Variants in PRMT3 observed in about 807,000 individuals in gnomAD.
The protein encoded by PRMT3 is protein arginine N-methyltransferase 3.
Under a neutral mutation model 71.9 loss-of-function variants are expected in PRMT3, and 62 were observed. That is an observed-to-expected ratio of 0.86 (90% confidence interval 0.70 to 1.07). The LOEUF is 1.07. Ranked by LOEUF, PRMT3 falls within the 50% of genes least tolerant of loss-of-function variation. The probability of loss-of-function intolerance (pLI) is 0.00; values close to 1 mark genes in which losing one functional copy is unlikely to be tolerated. For synonymous variants in PRMT3, 213 were observed against 220.4 expected, an observed-to-expected ratio of 0.97 and a Z score of 0.30; for missense variants, 663 against 643.0, an observed-to-expected ratio of 1.03 and a Z score of -0.34.
At chr11:20,434,085 G>A (rs147325773) in intron 10 of PRMT3, among the ~76,000 whole-genome samples, 3 of 152,156 alleles carry the variant, frequency 2.0e-5, no homozygotes. Context: ...GGTGTGAGAT[G>A]GTATCTCATT....
intron 10 of PRMT3, among the ~76,000 whole-genome samples, chr11:20,428,246 C>T (rs1849588294): frequency 6.6e-6 from 1 of 152,026 alleles, no homozygotes; most frequent in South Asian, 2.1e-4. Context: ...TGAAAAGATG[C>T]TTCTGAGAAA....
intron 13 of PRMT3, among the ~76,000 whole-genome samples, chr11:20,466,297 A>T (rs934935529): frequency 2.0e-5 from 3 of 152,198 alleles, no homozygotes; most frequent in African/African-American, 7.2e-5. Context: ...TTCTAGAACC[A>T]CACCTTTGAA....
chr11:20,432,233 A>G (rs1849669671), intron 10 of PRMT3, among the ~76,000 whole-genome samples: 1 of 152,152 alleles, frequency 6.6e-6, no homozygotes, highest in Admixed American at 6.5e-5. Context: ...GTAATCCCTC[A>G]GAGAACACAA....
intron 13 of PRMT3, among the ~76,000 whole-genome samples, chr11:20,465,456 T>G (rs986651744): frequency 6.6e-6 from 1 of 152,028 alleles, no homozygotes; most frequent in Non-Finnish European, 1.5e-5. Context: ...AAATAGATTA[T>G]AAGTCATGTT....
intron 15 of PRMT3, among the ~76,000 whole-genome samples, chr11:20,498,786 G>A (rs1232811167): frequency 2.0e-5 from 3 of 152,126 alleles, no homozygotes; most frequent in African/African-American, 7.2e-5. Context: ...TTAATTGAAT[G>A]ACATTTTGAA....
At chr11:20,468,444 C>G (rs1047252310) in intron 13 of PRMT3, among the ~76,000 whole-genome samples, 1 of 152,174 alleles carries the variant, frequency 6.6e-6, no homozygotes, top group African/African-American at 2.4e-5. Flanking sequence ...TCTCAGCCCA[C>G]TGCAACCTCC....
chr11:20,414,254 C>T (rs1277835953), intron 9 of PRMT3, among the ~76,000 whole-genome samples: 1 of 152,012 alleles, frequency 6.6e-6, no homozygotes, highest in Non-Finnish European at 1.5e-5. Flanking sequence ...TCTAGCATTT[C>T]TAAAGAAATG....
chr11:20,454,685 T>C (rs1850229032), intron 11 of PRMT3, among the ~76,000 whole-genome samples: 1 of 152,154 alleles, frequency 6.6e-6, no homozygotes, highest in Non-Finnish European at 1.5e-5. Context: ...CAAAGCAAAG[T>C]TTTCCTTTCT....
At chr11:20,391,471 G>T (rs1047582311) in intron 3 of PRMT3, among the ~76,000 whole-genome samples, 1 of 152,138 alleles carries the variant, frequency 6.6e-6, no homozygotes, top group African/African-American at 2.4e-5. Context: ...TGGAACTCCC[G>T]ACCTCAGGTG....
intron 15 of PRMT3, among the ~76,000 whole-genome samples, chr11:20,495,971 C>G (rs1487102185): frequency 1.3e-5 from 2 of 152,194 alleles, no homozygotes; most frequent in African/African-American, 4.8e-5. Flanking sequence ...ATGGAACTTT[C>G]ATTCCCTTTT....
intron 8 of PRMT3, among the ~76,000 whole-genome samples, chr11:20,404,928 A>G (rs1849038607): frequency 6.6e-6 from 1 of 152,210 alleles, no homozygotes; most frequent in South Asian, 2.1e-4. Flanking sequence ...GCTTGTTAAG[A>G]AAGTAAGTTA....
At chr11:20,453,442 T>C (rs1850197654) in intron 11 of PRMT3, among the ~76,000 whole-genome samples, 2 of 149,260 alleles carry the variant, frequency 1.3e-5, no homozygotes, top group Admixed American at 1.3e-4. Flanking sequence ...ATCCTGCCAC[T>C]GCACTCCAGC....
chr11:20,468,511 G>A (rs1449046118), intron 13 of PRMT3, among the ~76,000 whole-genome samples: 2 of 152,130 alleles, frequency 1.3e-5, no homozygotes, highest in Admixed American at 6.6e-5. Flanking sequence ...TGGGACTGCA[G>A]ATGTGCGCCA....
chr11:20,484,287 A>G (rs1312584940), intron 13 of PRMT3, among the ~76,000 whole-genome samples: 2 of 152,228 alleles, frequency 1.3e-5, no homozygotes, highest in Non-Finnish European at 2.9e-5. Context: ...GAGTGCAGGA[A>G]CATTTTATGG....
chr11:20,435,261 G>A (rs1421369596), intron 10 of PRMT3, among the ~76,000 whole-genome samples: 2 of 152,024 alleles, frequency 1.3e-5, no homozygotes, highest in Non-Finnish European at 2.9e-5. Flanking sequence ...GAGTGCAGTG[G>A]CACCATCTCA....
chr11:20,404,681 T>A (rs1303990952), intron 8 of PRMT3, among the ~76,000 whole-genome samples: 1 of 152,190 alleles, frequency 6.6e-6, no homozygotes, highest in African/African-American at 2.4e-5. Context: ...TTTTATTTTA[T>A]TTTTTCCTTA....
chr11:20,428,155 A>G (rs1849586607), intron 10 of PRMT3, among the ~76,000 whole-genome samples: 1 of 152,166 alleles, frequency 6.6e-6, no homozygotes, highest in Non-Finnish European at 1.5e-5. Flanking sequence ...CTCACACCAA[A>G]GAATTTGTAT....
rs148009993 is a variant in PRMT3, at chr11:20,412,615, T to C, written c.893+4583T>C. 1.4e-3 allele frequency among the ~76,000 whole-genome samples: 208 copies of C among 152,308 alleles called. 1 individual carries two copies. The highest frequency in any genetic ancestry group is 2.5e-3 in the Non-Finnish European group (173 of 68,030). Reference sequence around the variant, plus strand: ...TTGGAGTATTTTAAAGTGAAACTTATACATTATATCAGTAAATGTGTCCTA... The same window carrying C: ...TTGGAGTATTTTAAAGTGAAACTTACACATTATATCAGTAAATGTGTCCTA... On this transcript the variant is annotated intron_variant, in intron 9 of 15. Coordinates refer to ENST00000331079, the MANE Select transcript of PRMT3 (RefSeq NM_005788.4).
chr11:20,429,882 T>C (rs1381640239), intron 10 of PRMT3, among the ~76,000 whole-genome samples: 2 of 152,216 alleles, frequency 1.3e-5, no homozygotes, highest in African/African-American at 4.8e-5. Context: ...TCTTTGTGGA[T>C]TGGAAATATC....
Sources: allele counts gnomAD v4.1 joint callset (sites outside exome capture counted in the v4.1 genomes callset), GRCh38; gene constraint gnomAD v4.1.1; transcripts MANE v1.5; gene names NCBI Gene and HGNC (gene_info 2026-07-23, HGNC 2026-07-21).